The following PCCB variants were observed in gnomAD, a reference collection of about 807,000 sequenced individuals.
The protein encoded by PCCB is propionyl-CoA carboxylase subunit beta, also known as propionyl-CoA carboxylase beta chain, mitochondrial.
PCCB carries 43 observed loss-of-function variants against 60.7 expected under a neutral mutation model. The observed-to-expected ratio is 0.71, with a 90% CI of 0.55 to 0.91. PCCB has a LOEUF of 0.91. PCCB is among the 40% of genes least tolerant of loss of function. The probability of loss-of-function intolerance (pLI) is 0.00; values close to 1 mark genes in which losing one functional copy is unlikely to be tolerated. For synonymous variants in PCCB, 276 were observed against 255.9 expected (o/e 1.08, Z -0.75); for missense variants, 766 against 702.8 (o/e 1.09, Z -1.02).
chr3:136,298,353 GT>G (rs1156858302), intron 8 of PCCB, among the ~76,000 whole-genome samples: 5 of 152,142 alleles, frequency 3.3e-5, no homozygotes, highest in Admixed American at 6.5e-5. Flanking sequence ...AAACTCTCAA[GT>G]TATCTAGAAT....
intron 5 of PCCB, among the ~76,000 whole-genome samples, chr3:136,270,412 C>T (rs1036326347): frequency 1.3e-5 from 2 of 152,092 alleles, no homozygotes; most frequent in African/African-American, 4.8e-5. Flanking sequence ...GGTAGGTTCC[C>T]TATGCACTGG....
At chr3:136,257,097 G>A (rs1288462456) in intron 3 of PCCB, among the ~76,000 whole-genome samples, 1 of 152,168 alleles carries the variant, frequency 6.6e-6, no homozygotes, top group Admixed American at 6.6e-5. Flanking sequence ...CACACACATA[G>A]CCAAAGCTAT....
chr3:136,279,679 A>ATTTT (rs1268657933), intron 5 of PCCB, among the ~76,000 whole-genome samples: 1 of 151,638 alleles, frequency 6.6e-6, no homozygotes, highest in Non-Finnish European at 1.5e-5. Context: ...TTATTTATTT[A>ATTTT]TTTTTTGAGA....
At chr3:136,276,690 C>T (rs1260030583) in intron 5 of PCCB, among the ~76,000 whole-genome samples, 10 of 152,214 alleles carry the variant, frequency 6.6e-5, no homozygotes, top group Non-Finnish European at 1.3e-4. Flanking sequence ...GAAGCCCCAA[C>T]TGTGTCTGTG....
At chr3:136,309,418 T>G (rs1045904953) in intron 9 of PCCB, among the ~76,000 whole-genome samples, 4 of 152,184 alleles carry the variant, frequency 2.6e-5, no homozygotes, top group African/African-American at 9.7e-5. Context: ...CTGCAATTAG[T>G]AAACACTGGC....
intron 5 of PCCB, among the ~76,000 whole-genome samples, chr3:136,279,852 G>A (rs1942428280): frequency 6.6e-6 from 1 of 152,004 alleles, no homozygotes; most frequent in African/African-American, 2.4e-5. Context: ...ATTTTTAGTA[G>A]AGACGGGGTT....
At chr3:136,255,397 A>G in intron 1 of PCCB, 1 of 234,494 alleles carries the variant, frequency 4.3e-6, no homozygotes. Flanking sequence ...GGGAGCTGGG[A>G]GCAGTAGGGA....
rs199541514 is a variant in PCCB, at chr3:136,327,651, T to C, written c.1317T>C (p.Tyr439=). 76 of 1,613,532 alleles carry C rather than the reference T, an allele frequency of 4.7e-5. No homozygotes were observed. In the Middle Eastern group the frequency reaches 8.3e-4, roughly 18 times the overall value. The stretch of plus-strand genomic sequence containing the variant: ...TGTTTTAGGCCTATGGAGGTGCCTA[T>C]GATGTCATGAGCTCTAAGCACCTTT... The part of the protein sequence containing the change: ...VITRKAYGGA[Y]DVMSSKHLCG... The change falls in exon 13 of 15, where the codon TAT becomes TAC. Residue 439 remains tyrosine (Y), a synonymous_variant. Coordinates refer to ENST00000251654, the MANE Select transcript of PCCB (RefSeq NM_000532.5).
Position 136,306,514 on chromosome 3 carries a change from A to C in PCCB, c.966+5403A>C. ...ATGAATGAAATAATATAAAAAAGTA[A>C]AAGTAGATTTTACATTCTCACCACA... On this transcript the variant is annotated intron_variant, in intron 9 of 14. Transcript: ENST00000251654. Among the ~76,000 whole-genome samples, 2 of 122,718 alleles carry C rather than the reference A, an allele frequency of 1.6e-5. 1 individual carries two copies. The allele number at this position is 122,718 out of a possible 152,430, so 80.5% of individuals were successfully genotyped here. A position where few individuals can be genotyped will look rare whatever the true frequency, so the allele number is the denominator to read the frequency against.
At chr3:136,264,309 C>T (rs915078631) in intron 5 of PCCB, among the ~76,000 whole-genome samples, 1 of 151,598 alleles carries the variant, frequency 6.6e-6, no homozygotes, top group African/African-American at 2.4e-5. Flanking sequence ...ATCGATTCAT[C>T]GATGTTATTC....
chr3:136,260,673 G>A, intron 4 of PCCB, 138 bp downstream of exon 4: 1 of 741,108 alleles, frequency 1.3e-6, no homozygotes, highest in Non-Finnish European at 2.4e-6. Context: ...CCAACCCGAA[G>A]GGGTGCATAA....
Position 136,250,462 on chromosome 3 carries a change from C to T in PCCB, c.87C>T (p.Cys29=). 2 of 1,609,850 alleles carry T rather than the reference C, an allele frequency of 1.2e-6. No homozygotes were observed. The highest frequency in any genetic ancestry group is 2.2e-5 in the South Asian group (2 of 90,438). ...TCCGCGCCGCGGTCCGCAGCCTTTG[C>T]AGCCAGGCCACCTCTGTTAACGAAC... is the stretch of plus-strand genomic sequence containing the variant. ...SGLRAAVRSL[C]SQATSVNERI... Residue 29 remains cysteine, a synonymous_variant, in exon 1 of 15, where the codon TGC becomes TGT. Transcript: ENST00000251654.
chr3:136,270,143 AT>A (rs1403458685), intron 5 of PCCB, among the ~76,000 whole-genome samples: 1 of 151,832 alleles, frequency 6.6e-6, no homozygotes, highest in African/African-American at 2.4e-5. Flanking sequence ...TTTGTTCTTT[AT>A]TCTAATGATA....
Position 136,268,482 on chromosome 3 carries a change from T to TC in PCCB, c.543+6417_543+6418insC, listed in dbSNP as rs34481240. The stretch of plus-strand genomic sequence containing the variant: ...CCAACTTGGTTTTTTTTTTTTTTTT[T>TC]AGATGTAGTCTCGCTTTGTAGCCCA... On this transcript the variant is annotated intron_variant, in intron 5 of 14. Coordinates refer to ENST00000251654, the MANE Select transcript of PCCB (RefSeq NM_000532.5). 3.2e-4 allele frequency among the ~76,000 whole-genome samples: 49 copies of TC among 151,134 alleles called. 2 individuals carry two copies. The East Asian group carries it at 8.8e-3, about 27-fold the overall frequency.
At chr3:136,252,526 A>AT (rs768208532) in intron 1 of PCCB, 17,233 of 280,430 alleles carry the variant, frequency 0.061, 1 homozygote, top group South Asian at 0.11. Flanking sequence ...GGATGACAGA[A>AT]TTTTTTTTTT....
chr3:136,326,901 T>TTTC lies in PCCB; in HGVS notation c.1191_1193dup (p.Leu398dup). 2 of 1,606,040 alleles carry TTTC rather than the reference T, an allele frequency of 1.2e-6. No individual in the cohort carries two copies. The highest frequency in any genetic ancestry group is 1.7e-6 in the Non-Finnish European group (2 of 1,172,600). On this transcript the variant is annotated inframe_insertion, in exon 11 of 15. Transcript: ENST00000251654. Reference sequence around the variant, plus strand: ...CATCACTTTTGTTGATGTCCCTGGCTTTCTACCTGGTAAGTTTTTGACAGA... The same window carrying TTTC: ...CATCACTTTTGTTGATGTCCCTGGCTTTCTTCTACCTGGTAAGTTTTTGACAGA...
intron 10 of PCCB, among the ~76,000 whole-genome samples, chr3:136,320,159 G>T (rs1311140557): frequency 6.6e-6 from 1 of 152,112 alleles, no homozygotes; most frequent in Non-Finnish European, 1.5e-5. Context: ...GTTGTTCTTA[G>T]GATTGTTTTA....
intron 7 of PCCB, 76 bp from the exon 8 acceptor site, chr3:136,297,876 C>A: frequency 6.4e-7 from 1 of 1,552,474 alleles, no homozygotes; most frequent in Non-Finnish European, 8.9e-7. Context: ...CCTAGAAGGG[C>A]GCAGTCAGGC....
At chr3:136,329,858 T>C (rs988867526) in intron 14 of PCCB, 47 bp from the exon 15 acceptor site, 31 of 1,610,974 alleles carry the variant, frequency 1.9e-5, no homozygotes, top group Non-Finnish European at 2.6e-5. Flanking sequence ...AGGGGTGGCA[T>C]CATCTCGGGA....
Sources: allele counts gnomAD v4.1 joint callset (sites outside exome capture counted in the v4.1 genomes callset), GRCh38; gene constraint gnomAD v4.1.1; transcripts MANE v1.5; gene names NCBI Gene and HGNC (gene_info 2026-07-23, HGNC 2026-07-21).